The following TEAD2 variants were observed in gnomAD, a reference collection of about 807,000 sequenced individuals.
The protein encoded by TEAD2 is TEA domain transcription factor 2.
Under a neutral mutation model 61.4 loss-of-function variants are expected in TEAD2, and 51 were observed. The observed-to-expected ratio is 0.83, with a 90% CI of 0.66 to 1.05. The LOEUF (loss-of-function observed/expected upper bound fraction) is 1.05, where lower values mean the gene tolerates loss of function less well. TEAD2 is among the 50% of genes least tolerant of loss of function. TEAD2 has a pLI of 0.00. For missense variants in TEAD2, 509 were observed against 600.0 expected, an observed-to-expected ratio of 0.85 and a Z score of 1.58; for synonymous variants, 244 against 243.2, an observed-to-expected ratio of 1.00 and a Z score of -0.03.
intron 7 of TEAD2, among the ~76,000 whole-genome samples, chr19:49,354,518 A>G (rs1972247079): frequency 1.3e-5 from 2 of 151,944 alleles, no homozygotes; most frequent in Admixed American, 1.3e-4. Context: ...AAGAAAAAAA[A>G]AAAAAAGCAC....
chr19:49,355,425 G>T lies in TEAD2; in HGVS notation c.373-6C>A. 1 of 1,613,046 alleles carries T rather than the reference G, an allele frequency of 6.2e-7. No individual in the cohort carries two copies. The highest frequency in any genetic ancestry group is 8.5e-7 in the Non-Finnish European group (1 of 1,179,128). On this transcript the variant is annotated splice_region_variant and splice_polypyrimidine_tract_variant and intron_variant, in intron 5 of 12. Transcript: ENST00000593945. ...TTGTCCTTGGAAACCTGGTCCTGGA[G>T]GAGGAGGCGGAAGTTCATGTGAGAG...
At chr19:49,349,373 G>T (rs1291820332) in intron 8 of TEAD2, among the ~76,000 whole-genome samples, 1 of 151,910 alleles carries the variant, frequency 6.6e-6, no homozygotes, top group Admixed American at 6.6e-5. Context: ...TGAGGCAGGA[G>T]AATGGCTTGA....
chr19:49,343,428 G>A (rs1971428405), intron 10 of TEAD2, 30 bp from the exon 11 acceptor site: 1 of 1,579,808 alleles, frequency 6.3e-7, no homozygotes, highest in Non-Finnish European at 8.6e-7. Context: ...AGATGAGTCA[G>A]AGGGGACATC....
rs980255927 is a variant in TEAD2, at chr19:49,340,692, G to A, written c.*632C>T. 6.7e-5 allele frequency: 28 copies of A among 418,976 alleles called. No individual in the cohort carries two copies. Among genetic ancestry groups the A allele is most frequent in the African/African-American group, 4.8e-4 (24 of 49,554 alleles). The allele number at this position is 418,976 out of a possible 1,614,324, so 26.0% of individuals were successfully genotyped here. A position where few individuals can be genotyped will look rare whatever the true frequency, so the allele number is the denominator to read the frequency against. ...TCTAGCTCAGGGCTCACTTAGGAGA[G>A]GGATGAGATTAGAAAGTTCAACACA... On this transcript the variant is annotated 3_prime_UTR_variant, in exon 13 of 13. Transcript: ENST00000593945.
chr19:49,355,390 C>A lies in TEAD2; in HGVS notation c.402G>T (p.Gln134His). The stretch of plus-strand genomic sequence containing the variant: ...GGGCAGAGGACATGGTTGCCATTGT[C>A]TGGAAAGCCTTGTCCTTGGAAACCT... ...VDQVSKDKAF[Q>H]TMATMSSAQL... The change falls in exon 6 of 13, where the codon CAG becomes CAT. Residue 134 changes from glutamine (Q) to histidine (H), a missense_variant. Gln to His is a conservative substitution (Grantham distance 24). Coordinates refer to ENST00000593945, the MANE Select transcript of TEAD2 (RefSeq NM_001256660.2). 3.1e-6 allele frequency: 5 copies of A among 1,614,158 alleles called. No individual in the cohort carries two copies. The highest frequency in any genetic ancestry group is 4.2e-6 in the Non-Finnish European group (5 of 1,180,042).
rs114129933 is a variant in TEAD2, at chr19:49,341,464, T to G, written c.1243-27A>C. On this transcript the variant is annotated intron_variant, in intron 12 of 12. Transcript: ENST00000593945. This position sits in a 1 kb window ranked among gnomAD's most constrained non-coding sequence, Gnocchi z 4.2. ...TGCCAGGAAGGCCAGGACAAGGGAC[T>G]TATGCTTAGAAGGGAGGGCAGGGAC... is the stretch of plus-strand genomic sequence containing the variant. 3,330 of 1,598,576 alleles carry G rather than the reference T, an allele frequency of 2.1e-3. 46 individuals are homozygous for G. The African/African-American group carries it at 0.035, about 17-fold the overall frequency.
chr19:49,353,088 C>T (rs904192492), intron 7 of TEAD2, among the ~76,000 whole-genome samples: 2 of 151,834 alleles, frequency 1.3e-5, no homozygotes, highest in Admixed American at 1.3e-4. Context: ...CTAATATATT[C>T]CCACTCCCAT....
chr19:49,351,993 A>G (rs1200837245), intron 7 of TEAD2, among the ~76,000 whole-genome samples: 1 of 151,652 alleles, frequency 6.6e-6, no homozygotes, highest in East Asian at 1.9e-4. Context: ...AAAAAAAAAT[A>G]AAAAGAAAGA....
chr19:49,344,953 C>T (rs1971539312), intron 10 of TEAD2, among the ~76,000 whole-genome samples: 1 of 152,238 alleles, frequency 6.6e-6, no homozygotes, highest in Non-Finnish European at 1.5e-5. Flanking sequence ...GCACCTCTTC[C>T]TCTTCCTAAC....
intron 9 of TEAD2, among the ~76,000 whole-genome samples, chr19:49,347,820 G>A (rs1600722761): frequency 6.6e-6 from 1 of 152,242 alleles, no homozygotes; most frequent in Admixed American, 6.5e-5. Context: ...ATGGAAGAGT[G>A]AATGAATGGG....
At position 49,355,433 on chromosome 19, in the gene TEAD2, C is replaced by A; in HGVS notation, c.373-14G>T. Reference sequence around the variant, plus strand: ...GGAAACCTGGTCCTGGAGGAGGAGGCGGAAGTTCATGTGAGAGGGGCATCT... The same window carrying A: ...GGAAACCTGGTCCTGGAGGAGGAGGAGGAAGTTCATGTGAGAGGGGCATCT... On this transcript the variant is annotated splice_polypyrimidine_tract_variant and intron_variant, in intron 5 of 12. Coordinates refer to ENST00000593945, the MANE Select transcript of TEAD2 (RefSeq NM_001256660.2). 1 of 1,609,692 alleles carries A rather than the reference C, an allele frequency of 6.2e-7. No individual in the cohort carries two copies. The highest frequency in any genetic ancestry group is 8.5e-7 in the Non-Finnish European group (1 of 1,176,284).
chr19:49,341,309 T>C lies in TEAD2; in HGVS notation c.*15A>G, dbSNP rs1350477471. The C allele has an allele frequency of 8.1e-6, 13 of 1,611,072 alleles. No individual in the cohort carries two copies. The highest frequency in any genetic ancestry group is 1.7e-4 in the Middle Eastern group (1 of 6,030). ...GAGGGTGTTCTGGGGGGTGAGCCAG[T>C]TTTGGGGTCCCCCTTCAGTCCCTGA... On this transcript the variant is annotated 3_prime_UTR_variant, in exon 13 of 13. Transcript: ENST00000593945. The surrounding 1 kb of genome is among the most constrained non-coding windows in gnomAD (Gnocchi z 4.2).
chr19:49,346,180 A>ATT (rs1971623529), intron 10 of TEAD2, among the ~76,000 whole-genome samples: 2 of 147,216 alleles, frequency 1.4e-5, no homozygotes, highest in African/African-American at 2.5e-5. Flanking sequence ...AAAAAAAAAA[A>ATT]AAAAACAATA....
chr19:49,359,309 C>G lies in TEAD2; in HGVS notation c.297+126G>C. Reference sequence around the variant, plus strand: ...ATAGCAATACAAACGGACTAACACACATGCCGAGAAGACAGATGAACGCAC... The same window carrying G: ...ATAGCAATACAAACGGACTAACACAGATGCCGAGAAGACAGATGAACGCAC... On this transcript the variant is annotated intron_variant, in intron 3 of 12. Transcript: ENST00000593945. This position sits in a 1 kb window ranked among gnomAD's most constrained non-coding sequence, Gnocchi z 4.1. 1 of 799,728 alleles carries G rather than the reference C, an allele frequency of 1.3e-6. No homozygotes were observed. The highest frequency in any genetic ancestry group is 2.2e-6 in the Non-Finnish European group (1 of 463,954). The allele number at this position is 799,728 out of a possible 1,614,324, so 49.5% of individuals were successfully genotyped here.
At chr19:49,355,553 A>T in intron 5 of TEAD2, 134 bp from the exon 6 acceptor site, 1 of 728,260 alleles carries the variant, frequency 1.4e-6, no homozygotes, top group Admixed American at 2.3e-5. Flanking sequence ...GTGGCCGGGC[A>T]TGGTGGCTCA....
chr19:49,340,779 T>G lies in TEAD2; in HGVS notation c.*545A>C. The G allele has an allele frequency of 5.4e-6, 1 of 185,068 alleles. No individual in the cohort carries two copies. The allele number at this position is 185,068 out of a possible 1,614,324, so 11.5% of individuals were successfully genotyped here. On this transcript the variant is annotated 3_prime_UTR_variant, in exon 13 of 13. Transcript: ENST00000593945. ...ACCCACTTATAAATATCTCGTTATA[T>G]TAAAAAAAAAAAAAATGTCCAGGGC...
intron 10 of TEAD2, among the ~76,000 whole-genome samples, chr19:49,346,922 C>CTACATGGCCAGGTAACTCACCGTATTAGT (rs1971681202): frequency 6.6e-6 from 1 of 152,194 alleles, no homozygotes; most frequent in African/African-American, 2.4e-5. Context: ...ACCCTATTAG[C>CTACATGGCCAGGTAACTCACCGTATTAGT]TACATGGCCA....
chr19:49,350,644 T>A (rs906195772), intron 8 of TEAD2, among the ~76,000 whole-genome samples: 4 of 152,188 alleles, frequency 2.6e-5, no homozygotes, highest in African/African-American at 7.2e-5. Context: ...TCTTCTTTTT[T>A]AAAATGTTGC....
chr19:49,348,817 G>A lies in TEAD2; in HGVS notation c.633C>T (p.Pro211=), dbSNP rs1971819191. 1.3e-6 allele frequency: 2 copies of A among 1,593,054 alleles called. No individual in the cohort carries two copies. The highest frequency in any genetic ancestry group is 1.4e-5 in the African/African-American group (1 of 73,476). ...GGGGCGATGGGGTAGGTGGGGGCAGGGGTGAGAGGGCTTGGGGGGGCTCGT... is the reference window on the plus strand; with the variant it reads ...GGGGCGATGGGGTAGGTGGGGGCAGAGGTGAGAGGGCTTGGGGGGGCTCGT... The part of the protein sequence containing the change: ...PGYEPPQALS[P]LPPPTPSPPA... The change falls in exon 9 of 13, where the codon CCC becomes CCT. Residue 211 remains proline, a synonymous_variant. Transcript: ENST00000593945.
Sources: gnomAD v4.1 joint callset for allele counts (sites outside exome capture counted in the v4.1 genomes callset) on GRCh38, gnomAD v4.1.1 for gene constraint, Gnocchi (gnomAD v3.1) non-coding constraint, MANE v1.5 for transcripts, NCBI Gene and HGNC (gene_info 2026-07-23, HGNC 2026-07-21) for gene names.